The following QTGAL variants were observed in gnomAD, a reference collection of about 807,000 sequenced individuals.
QTGAL encodes BGnT-like protein 1.
chr17:83,044,232 C>T, the QTGAL span, among the ~76,000 whole-genome samples: 18 of 152,278 alleles, frequency 1.2e-4, 1 homozygote, highest in African/African-American at 4.3e-4. Flanking sequence ...ATGCAAAAAT[C>T]TTCAACAACA....
chr17:82,974,310 G>C, the QTGAL span, among the ~76,000 whole-genome samples: 2 of 152,308 alleles, frequency 1.3e-5, no homozygotes, highest in Admixed American at 6.5e-5. Context: ...GACACTGTGC[G>C]TGACAACCAC....
the QTGAL span, among the ~76,000 whole-genome samples, chr17:82,967,478 G>A: frequency 6.6e-6 from 1 of 152,058 alleles, no homozygotes. Flanking sequence ...CAGCACAGTG[G>A]CCCTCACCTG....
the QTGAL span, among the ~76,000 whole-genome samples, chr17:83,016,424 G>A: frequency 8.3e-4 from 126 of 152,064 alleles, no homozygotes; most frequent in African/African-American, 3.0e-3. Flanking sequence ...GAGGAGGCTG[G>A]GGACAGAGGG....
chr17:82,995,475 C>T, the QTGAL span, among the ~76,000 whole-genome samples: 5 of 151,806 alleles, frequency 3.3e-5, no homozygotes, highest in African/African-American at 9.7e-5. Context: ...CTCTGCTTCC[C>T]GGGTTCAAGC....
chr17:82,952,684 C>CG, the QTGAL span, among the ~76,000 whole-genome samples: 1 of 152,218 alleles, frequency 6.6e-6, no homozygotes. Flanking sequence ...TTGAACGCAG[C>CG]TCTGGACCAA....
the QTGAL span, among the ~76,000 whole-genome samples, chr17:83,016,004 TG>T: frequency 6.6e-6 from 1 of 152,064 alleles, no homozygotes; most frequent in Non-Finnish European, 1.5e-5. Flanking sequence ...GGTCACTTTT[TG>T]GGGGGAAGTC....
chr17:82,965,328 T>C, the QTGAL span, among the ~76,000 whole-genome samples: 10 of 152,146 alleles, frequency 6.6e-5, no homozygotes, highest in Non-Finnish European at 1.3e-4. Context: ...CAGAGACAGC[T>C]CTGCCAAAAG....
At chr17:83,028,497 C>T in the QTGAL span, among the ~76,000 whole-genome samples, 1 of 146,518 alleles carries the variant, frequency 6.8e-6, no homozygotes, top group East Asian at 2.0e-4. Flanking sequence ...TGCACTCCAG[C>T]CTGGGCGACA....
chr17:82,991,727 G>A, the QTGAL span, among the ~76,000 whole-genome samples: 1 of 152,068 alleles, frequency 6.6e-6, no homozygotes, highest in African/African-American at 2.4e-5. Context: ...GAGGCACCAG[G>A]GACCAATCCT....
chr17:83,019,227 G>A, the QTGAL span, among the ~76,000 whole-genome samples: 1 of 152,196 alleles, frequency 6.6e-6, no homozygotes, highest in Non-Finnish European at 1.5e-5. Context: ...GCAGGACAGA[G>A]TCTATGATGC....
At chr17:83,048,388 T>C in the QTGAL span, 7 of 1,269,016 alleles carry the variant, frequency 5.5e-6, no homozygotes, top group African/African-American at 1.5e-5. Flanking sequence ...TTGTCAGTAT[T>C]TGAACAACAT....
the QTGAL span, chr17:83,007,293 TCC>T: frequency 1.0e-6 from 1 of 985,116 alleles, no homozygotes; most frequent in African/African-American, 1.7e-5. Context: ...CAGCGAGTTT[TCC>T]CCACACCCAA....
At chr17:83,004,682 C>T in the QTGAL span, among the ~76,000 whole-genome samples, 1 of 149,780 alleles carries the variant, frequency 6.7e-6, no homozygotes, top group South Asian at 2.1e-4. Context: ...CCTCCGCAGT[C>T]CGCGTGTGGG....
At chr17:83,009,953 G>A in the QTGAL span, among the ~76,000 whole-genome samples, 1 of 149,160 alleles carries the variant, frequency 6.7e-6, no homozygotes, top group East Asian at 2.0e-4. Flanking sequence ...GAGGGGGGCT[G>A]TGGGGGAGGG....
At chr17:82,955,562 A>T in the QTGAL span, among the ~76,000 whole-genome samples, 2 of 152,256 alleles carry the variant, frequency 1.3e-5, no homozygotes, top group Non-Finnish European at 2.9e-5. Flanking sequence ...AATGTAAATT[A>T]GTTCAACCAT....
the QTGAL span, among the ~76,000 whole-genome samples, chr17:83,020,659 GTGATGGCCATCCC>G: frequency 6.6e-6 from 1 of 152,204 alleles, no homozygotes; most frequent in Non-Finnish European, 1.5e-5. Flanking sequence ...CCCAGGGGAG[GTGATGGCCATCCC>G]GACCATCCGG....
At chr17:83,002,659 G>A in the QTGAL span, among the ~76,000 whole-genome samples, 2 of 152,166 alleles carry the variant, frequency 1.3e-5, no homozygotes, top group African/African-American at 4.8e-5. Flanking sequence ...CCCTCAGACG[G>A]CAGCCAGTCA....
chr17:82,965,557 G>A, the QTGAL span: 14 of 1,286,066 alleles, frequency 1.1e-5, no homozygotes, highest in African/African-American at 1.2e-4. Flanking sequence ...CCGGAGGCAT[G>A]GCAAGGCGGA....
At chr17:82,970,648 T>TGACCTCCCCACCCAGC in the QTGAL span, among the ~76,000 whole-genome samples, 4 of 33,536 alleles carry the variant, frequency 1.2e-4, 1 homozygote, top group Admixed American at 1.4e-3. Flanking sequence ...CCGCACCCGG[T>TGACCTCCCCACCCAGC]GTGGCCGCGA....
Sources: gnomAD v4.1 joint callset for allele counts (sites outside exome capture counted in the v4.1 genomes callset) on GRCh38, gnomAD v4.1.1 for gene constraint, MANE v1.5 for transcripts, NCBI Gene and HGNC (gene_info 2026-07-23, HGNC 2026-07-21) for gene names.